The following TRERF1 variants were observed in gnomAD, a reference collection of about 807,000 sequenced individuals.
The protein encoded by TRERF1 is transcriptional-regulating factor 1.
A neutral mutation model predicts 122.9 loss-of-function variants in TRERF1; 27 were observed. That is an observed-to-expected ratio of 0.22 (90% CI 0.16 to 0.30). The LOEUF is 0.30. TRERF1 is among the 10% of genes least tolerant of loss of function. The probability of loss-of-function intolerance (pLI) is 1.00; values close to 1 mark genes in which losing one functional copy is unlikely to be tolerated. For missense variants in TRERF1, 1,248 were observed against 1,560.3 expected (o/e 0.80, Z 3.37); for synonymous variants, 636 against 641.7 (o/e 0.99, Z 0.13).
At chr6:42,255,110 C>A (rs1396056647) in intron 12 of TRERF1, among the ~76,000 whole-genome samples, 184 bp from the exon 13 acceptor site, 2 of 152,186 alleles carry the variant, frequency 1.3e-5, no homozygotes, top group African/African-American at 4.8e-5. Context: ...ATAAGACTCT[C>A]CTTCTAACAC....
intron 3 of TRERF1, among the ~76,000 whole-genome samples, chr6:42,339,569 T>C (rs557993562): frequency 3.9e-5 from 6 of 152,368 alleles, no homozygotes; most frequent in African/African-American, 1.2e-4. Context: ...ATGTTGTTTC[T>C]TTACTTCTTG....
chr6:42,435,771 C>T (rs1382984972), intron 2 of TRERF1, among the ~76,000 whole-genome samples: 2 of 151,120 alleles, frequency 1.3e-5, no homozygotes, highest in Non-Finnish European at 2.9e-5. Context: ...GTCAAGAGAT[C>T]GAGATCATCC....
chr6:42,358,496 G>C (rs1265897010), intron 3 of TRERF1, among the ~76,000 whole-genome samples: 1 of 152,214 alleles, frequency 6.6e-6, no homozygotes, highest in Non-Finnish European at 1.5e-5. Flanking sequence ...CACATCACCA[G>C]GTGGGCACCT....
intron 10 of TRERF1, 92 bp from the exon 11 acceptor site, chr6:42,257,194 C>G: frequency 6.9e-7 from 1 of 1,453,210 alleles, no homozygotes; most frequent in Non-Finnish European, 9.4e-7. Context: ...AAGAAGGAAA[C>G]TAGTTCTTTC....
chr6:42,436,847 A>ATATATG (rs1785533324), intron 2 of TRERF1, among the ~76,000 whole-genome samples: 1 of 132,020 alleles, frequency 7.6e-6, no homozygotes, highest in African/African-American at 2.8e-5. Context: ...ATATATATAT[A>ATATATG]TGAACTACTT....
chr6:42,237,339 T>G (rs1206076182), intron 15 of TRERF1, among the ~76,000 whole-genome samples: 1 of 152,168 alleles, frequency 6.6e-6, no homozygotes, highest in Non-Finnish European at 1.5e-5. Context: ...ATTCTCCCCT[T>G]GCTTAACTAC....
At chr6:42,291,487 C>T (rs1784315042) in intron 4 of TRERF1, among the ~76,000 whole-genome samples, 3 of 151,400 alleles carry the variant, frequency 2.0e-5, no homozygotes, top group African/African-American at 4.8e-5. Flanking sequence ...CTTAAAAGCT[C>T]CAGTTATCTG....
intron 2 of TRERF1, among the ~76,000 whole-genome samples, chr6:42,374,140 A>AG (rs1774339241): frequency 7.0e-6 from 1 of 142,976 alleles, no homozygotes; most frequent in Non-Finnish European, 1.5e-5. Context: ...TTTTTTTTAA[A>AG]AAAAAAAAAA....
Position 42,443,090 on chromosome 6 carries a change from T to C in TRERF1, c.-454+8087A>G, listed in dbSNP as rs192153673. 2.9e-3 allele frequency among the ~76,000 whole-genome samples: 447 copies of C among 152,346 alleles called. 3 individuals are homozygous for C. The highest frequency in any genetic ancestry group is 8.5e-3 in the South Asian group (41 of 4,828). On this transcript the variant is annotated intron_variant, in intron 2 of 17. Transcript: ENST00000372922. Reference sequence around the variant, plus strand: ...ATTTCCTCTCTCTCTGATTTTTCGTTGATTTCTTCCTTCTCTCTATGAAAC... The same window carrying C: ...ATTTCCTCTCTCTCTGATTTTTCGTCGATTTCTTCCTTCTCTCTATGAAAC...
chr6:42,392,070 G>A (rs942035585), intron 2 of TRERF1, among the ~76,000 whole-genome samples: 5 of 151,946 alleles, frequency 3.3e-5, no homozygotes, highest in East Asian at 1.9e-4. Context: ...AGACCTCATC[G>A]ACACCTGACA....
chr6:42,340,595 CAATT>C (rs1767083958), intron 3 of TRERF1, among the ~76,000 whole-genome samples: 1 of 152,046 alleles, frequency 6.6e-6, no homozygotes, highest in Admixed American at 6.6e-5. Flanking sequence ...GAAAACTCCT[CAATT>C]TATTTTATTT....
chr6:42,383,185 C>T (rs775931033), intron 2 of TRERF1, among the ~76,000 whole-genome samples: 8 of 152,226 alleles, frequency 5.3e-5, no homozygotes, highest in Non-Finnish European at 8.8e-5. Flanking sequence ...TCTGTCACTG[C>T]ACTCCACTGC....
rs868220759 is a variant in TRERF1, at chr6:42,262,543, G to C, written c.1884+777C>G. Among the ~76,000 whole-genome samples the C allele has an allele frequency of 1.3e-3, 108 of 84,728 alleles. 9 individuals are homozygous for C. The highest frequency in any genetic ancestry group is 7.5e-3 in the East Asian group (17 of 2,280). 55.6% of individuals were successfully genotyped at this position (84,728 alleles called of 152,430 possible). On this transcript the variant is annotated intron_variant, in intron 8 of 17. Transcript: ENST00000372922. ...AGAGAGAGAGAGAGAGAGAGAGAGA[G>C]AGAGAGAGAGAGAGAGAGAGAGAGA...
intron 3 of TRERF1, among the ~76,000 whole-genome samples, chr6:42,331,494 A>G (rs1765229440): frequency 6.6e-6 from 1 of 152,164 alleles, no homozygotes; most frequent in African/African-American, 2.4e-5. Context: ...CTCGGGATTA[A>G]CTGACTGGCA....
At position 42,335,043 on chromosome 6, in the gene TRERF1, C is replaced by T. The variant is rs1229372449; in HGVS notation, c.-371+27954G>A. Reference sequence around the variant, plus strand: ...ATCTTGCTGGATCATTATCAGGCTACGTGGCACACAGGCCACAGAAGTGGC... The same window carrying T: ...ATCTTGCTGGATCATTATCAGGCTATGTGGCACACAGGCCACAGAAGTGGC... On this transcript the variant is annotated intron_variant, in intron 3 of 17. Transcript: ENST00000372922. Among the ~76,000 whole-genome samples the T allele has an allele frequency of 2.6e-5, 4 of 152,216 alleles. No individual in the cohort carries two copies. The South Asian group carries it at 6.2e-4, about 24-fold the overall frequency.
intron 2 of TRERF1, among the ~76,000 whole-genome samples, chr6:42,400,287 G>A (rs1382811111): frequency 6.6e-6 from 1 of 152,186 alleles, no homozygotes; most frequent in Non-Finnish European, 1.5e-5. Flanking sequence ...GGCTCCATGT[G>A]ATACAACCCA....
chr6:42,327,889 G>A (rs1764562493), intron 3 of TRERF1, among the ~76,000 whole-genome samples: 1 of 152,052 alleles, frequency 6.6e-6, no homozygotes, highest in Non-Finnish European at 1.5e-5. Context: ...ATGGACAGGT[G>A]TGAACTCGGT....
In TRERF1 at chr6:42,393,745, G is replaced by A. The variant is rs1778128574; in HGVS notation, c.-453-30666C>T. On this transcript the variant is annotated intron_variant, in intron 2 of 17. Coordinates refer to ENST00000372922, the Ensembl canonical transcript of TRERF1. This position sits in a 1 kb window ranked among gnomAD's most constrained non-coding sequence, Gnocchi z 4.1. The stretch of plus-strand genomic sequence containing the variant: ...TGGTTAAATAAGTTATAGAACTTCC[G>A]CATAATAGAATGCTGTGCCACCACA... Among the ~76,000 whole-genome samples the A allele has an allele frequency of 6.6e-6, 1 of 152,116 alleles. No homozygotes were observed. Among genetic ancestry groups the A allele is most frequent in the African/African-American group, 2.4e-5 (1 of 41,428 alleles).
rs535443327 is a variant in TRERF1, at chr6:42,326,261, T to C, written c.-370-25512A>G. On this transcript the variant is annotated intron_variant, in intron 3 of 17. Transcript: ENST00000372922. ...GGATGGAAGGGGTGACAGGGGCCTG[T>C]ATGAGGGTGGTAGCAATGCAAATGA... 3.9e-5 allele frequency among the ~76,000 whole-genome samples: 6 copies of C among 152,032 alleles called. No individual in the cohort carries two copies. In the South Asian group the frequency reaches 1.2e-3, roughly 32 times the overall value.
Sources: gnomAD v4.1 joint callset for allele counts (sites outside exome capture counted in the v4.1 genomes callset) on GRCh38, gnomAD v4.1.1 for gene constraint, Gnocchi (gnomAD v3.1) non-coding constraint, MANE v1.5 for transcripts, NCBI Gene and HGNC (gene_info 2026-07-23, HGNC 2026-07-21) for gene names.